OPTC: variants seen among roughly 807,000 people sequenced by gnomAD.
OPTC encodes the protein opticin.
Under a neutral mutation model 25.4 loss-of-function variants are expected in OPTC, and 22 were observed. That is an observed-to-expected ratio of 0.87 (90% CI 0.62 to 1.24). The LOEUF (loss-of-function observed/expected upper bound fraction) is 1.24, where lower values mean the gene tolerates loss of function less well. Among genes scored for constraint, OPTC ranks in the 50% most tolerant of loss-of-function variants. OPTC has a pLI of 0.00. For missense variants in OPTC, 417 were observed against 425.2 expected, an observed-to-expected ratio of 0.98 and a Z score of 0.17; for synonymous variants, 169 against 179.3, an observed-to-expected ratio of 0.94 and a Z score of 0.46.
chr1:203,500,919 T>C (rs1171588433), intron 5 of OPTC, among the ~76,000 whole-genome samples: 2 of 152,196 alleles, frequency 1.3e-5, no homozygotes, highest in East Asian at 3.8e-4. Flanking sequence ...TCAATTCACC[T>C]GTTTGCTCAC....
intron 3 of OPTC, among the ~76,000 whole-genome samples, chr1:203,497,501 G>C (rs1014917650): frequency 6.6e-6 from 1 of 152,270 alleles, no homozygotes; most frequent in East Asian, 1.9e-4. Flanking sequence ...GCTGTCACTT[G>C]GCATGGGAGC....
chr1:203,496,921 T>G, intron 2 of OPTC, 56 bp from the exon 3 acceptor site: 1 of 1,603,864 alleles, frequency 6.2e-7, no homozygotes, highest in Non-Finnish European at 8.5e-7. Context: ...GAGTCCAAAG[T>G]TAAGTCCCTT....
chr1:203,508,128 A>G (rs1009867525), intron 7 of OPTC, among the ~76,000 whole-genome samples: 3 of 152,224 alleles, frequency 2.0e-5, no homozygotes, highest in Non-Finnish European at 4.4e-5. Flanking sequence ...CAGAAAAAGA[A>G]AGATGGGCAT....
At chr1:203,502,012 C>T (rs11526044) in intron 5 of OPTC, among the ~76,000 whole-genome samples, 22,127 of 152,030 alleles carry the variant, frequency 0.15, 1,786 homozygotes, top group East Asian at 0.3. Flanking sequence ...GCGAGAGTCT[C>T]CTGACCTCTC....
chr1:203,497,266 GC>G, intron 3 of OPTC, 151 bp downstream of exon 3: 1 of 797,878 alleles, frequency 1.3e-6, no homozygotes, highest in Non-Finnish European at 2.1e-6. Context: ...AGGGGAAATA[GC>G]CACAGTAAGA....
intron 3 of OPTC, 66 bp from the exon 4 acceptor site, chr1:203,498,615 G>T: frequency 6.3e-7 from 1 of 1,596,310 alleles, no homozygotes; most frequent in Non-Finnish European, 8.6e-7. Context: ...ACACTCCCTG[G>T]GGCGAGGGCC....
Position 203,498,800 on chromosome 1 carries a change from C to A in OPTC, c.490C>A (p.Arg164Ser). ...TGCCTACCTGTATGCACGCTTCAAC[C>A]GCATCAGCCGTATCAGGGCCGAAGA... ...RTAYLYARFN[R>S]ISRIRAEDFK... The change falls in exon 4 of 8, where the codon CGC (arginine) becomes AGC (serine). Residue 164 changes from arginine (R) to serine (S), a missense_variant. By Grantham distance (110) the Arg-to-Ser change is moderately radical. Coordinates refer to ENST00000367222, the MANE Select transcript of OPTC (RefSeq NM_014359.4). 1 of 1,614,038 alleles carries A rather than the reference C, an allele frequency of 6.2e-7. No homozygotes were observed.
rs1163041924 is a variant in OPTC at position 203,503,643 on chromosome 1, G to A, written c.922G>A (p.Gly308Ser). The A allele has an allele frequency of 6.2e-6, 10 of 1,613,394 alleles. No homozygotes were observed. The highest frequency in any genetic ancestry group is 3.3e-5 in the Admixed American group (2 of 60,002). The change falls in exon 7 of 8, where the codon GGC (glycine) becomes AGC (serine). Residue 308 changes from glycine to serine, a missense_variant. Coordinates refer to ENST00000367222, the MANE Select transcript of OPTC (RefSeq NM_014359.4). ...RRQLEDIRLD[G>S]NPINLSLFPS... ...GCAGCTGGAAGACATCCGCCTGGAT[G>A]GCAACCCCATCAACCTCAGCCTCTT...
In OPTC at chr1:203,496,952, T is replaced by C. The variant is rs200144282; in HGVS notation, c.232-25T>C. 3 of 1,614,056 alleles carry C rather than the reference T, an allele frequency of 1.9e-6. No individual in the cohort carries two copies. In the East Asian group the frequency reaches 6.7e-5, roughly 36 times the overall value. ...CCCTTTTGTGCAAAAGCTGGGCTAC[T>C]GTGTACTCTGTGCTACATCTCCAGG... On this transcript the variant is annotated intron_variant, in intron 2 of 7. Coordinates refer to ENST00000367222, the MANE Select transcript of OPTC (RefSeq NM_014359.4).
intron 6 of OPTC, 150 bp downstream of exon 6, chr1:203,503,159 G>A: frequency 1.4e-6 from 1 of 703,262 alleles, no homozygotes. Context: ...AGGATTGGGA[G>A]GTCTTGTCTA....
rs148423577 is a variant in OPTC at position 203,505,357 on chromosome 1, C to T, written c.*25+1612C>T. On this transcript the variant is annotated intron_variant, in intron 7 of 7. Transcript: ENST00000367222. ...CAAGAGGAGGACCCAACTTAGGGGT[C>T]CAGAAGATCTTGCACAACTGATGTT... is the stretch of plus-strand genomic sequence containing the variant. Among the ~76,000 whole-genome samples the T allele has an allele frequency of 4.0e-3, 609 of 152,216 alleles. 6 individuals carry two copies. The highest frequency in any genetic ancestry group is 0.014 in the African/African-American group (580 of 41,526).
In OPTC at chr1:203,499,813, C is replaced by A. The variant is rs753685462; in HGVS notation, c.694C>A (p.Arg232=). ...GIEFLDVRLN[R]LQSSGIQPAA... is the part of the protein sequence containing the mutation. ...TGAGTTCCTGGATGTCCGCCTAAATCGGCTCCAGAGCTCGGGGATACAGCC... is the reference window on the plus strand; with the variant it reads ...TGAGTTCCTGGATGTCCGCCTAAATAGGCTCCAGAGCTCGGGGATACAGCC... The change falls in exon 5 of 8, where the codon CGG becomes AGG. Residue 232 remains arginine (R), a synonymous_variant. Coordinates refer to ENST00000367222, the MANE Select transcript of OPTC (RefSeq NM_014359.4). The A allele has an allele frequency of 6.2e-7, 1 of 1,612,552 alleles. No individual in the cohort carries two copies. The highest frequency in any genetic ancestry group is 2.2e-5 in the East Asian group (1 of 44,872).
intron 7 of OPTC, 45 bp downstream of exon 7, chr1:203,503,790 A>T (rs1661432684): frequency 6.6e-7 from 1 of 1,503,880 alleles, no homozygotes; most frequent in Non-Finnish European, 9.1e-7. Flanking sequence ...CTCCAGCCAT[A>T]AAGCCCAATT....
Position 203,503,072 on chromosome 1 carries a change from G to T in OPTC, c.828+63G>T. On this transcript the variant is annotated intron_variant, in intron 6 of 7. Transcript: ENST00000367222. ...GTGGAGGATGGAAGTTAGATACCAG[G>T]AGCAGGTCGTGGCAGAGAGAGGCAT... The T allele has an allele frequency of 2.2e-6, 3 of 1,345,168 alleles. No homozygotes were observed. In the East Asian group the frequency reaches 6.9e-5, roughly 31 times the overall value. 83.3% of individuals were successfully genotyped at this position (1,345,168 alleles called of 1,614,324 possible).
chr1:203,496,991 C>T lies in OPTC; in HGVS notation c.246C>T (p.Ser82=), dbSNP rs752541264. Reference sequence around the variant, plus strand: ...TACATCTCCAGGTTAAGGTGACTAGCCTCGCTCCTGCAACCAGCATCAGTC... The same window carrying T: ...TACATCTCCAGGTTAAGGTGACTAGTCTCGCTCCTGCAACCAGCATCAGTC... ...GDQLPEVKVT[S]LAPATSISPA... The change falls in exon 3 of 8, where the codon AGC becomes AGT. Residue 82 remains serine, a synonymous_variant. Transcript: ENST00000367222. The T allele has an allele frequency of 6.2e-7, 1 of 1,614,106 alleles. No individual in the cohort carries two copies. The highest frequency in any genetic ancestry group is 8.5e-7 in the Non-Finnish European group (1 of 1,180,020).
rs989552452 is a variant in OPTC at position 203,502,466 on chromosome 1, G to A, written c.733-448G>A. The stretch of plus-strand genomic sequence containing the variant: ...GGTCTCCTTTATTGGAGGGTTTATT[G>A]GAGACATTGATTGGGAGGTCTTGTT... On this transcript the variant is annotated intron_variant, in intron 5 of 7. Transcript: ENST00000367222. Among the ~76,000 whole-genome samples, 5 of 152,166 alleles carry A rather than the reference G, an allele frequency of 3.3e-5. 1 individual carries two copies. Among genetic ancestry groups the A allele is most frequent in the African/African-American group, 4.8e-5 (2 of 41,444 alleles).
intron 7 of OPTC, among the ~76,000 whole-genome samples, chr1:203,507,764 G>A (rs1661519324): frequency 1.4e-5 from 2 of 139,542 alleles, no homozygotes; most frequent in Non-Finnish European, 3.1e-5. Context: ...TTTTCCAAAG[G>A]TTACCCAGCA....
chr1:203,503,519 G>A, intron 6 of OPTC, 31 bp from the exon 7 acceptor site: 1 of 1,605,332 alleles, frequency 6.2e-7, no homozygotes, highest in Non-Finnish European at 8.5e-7. Context: ...GAGCCTCTTG[G>A]TGAGGCTCAG....
Position 203,502,949 on chromosome 1 carries a change from C to T in OPTC, c.768C>T (p.Asp256=). ...MEKLQFLYLS[D]NLLDSIPGPL... ...AGCTGCAGTTCCTTTACCTGTCAGA[C>T]AACCTGCTGGATTCTATCCCGGGGC... The change falls in exon 6 of 8, where the codon GAC becomes GAT. Residue 256 remains aspartate, a synonymous_variant. Coordinates refer to ENST00000367222, the MANE Select transcript of OPTC (RefSeq NM_014359.4). 6.2e-7 allele frequency: 1 copy of T among 1,613,986 alleles called. No individual in the cohort carries two copies. Among genetic ancestry groups the T allele is most frequent in the Non-Finnish European group, 8.5e-7 (1 of 1,180,046 alleles).
Sources: allele counts gnomAD v4.1 joint callset (sites outside exome capture counted in the v4.1 genomes callset), GRCh38; gene constraint gnomAD v4.1.1; transcripts MANE v1.5; gene names NCBI Gene and HGNC (gene_info 2026-07-23, HGNC 2026-07-21).